PLD2: variants seen among roughly 807,000 people sequenced by gnomAD.
PLD2 encodes choline phosphatase 2.
A neutral mutation model predicts 119.8 loss-of-function variants in PLD2; 101 were observed. The observed-to-expected ratio is 0.84, with a 90% confidence interval of 0.72 to 0.99. The LOEUF (loss-of-function observed/expected upper bound fraction) is 0.99, where lower values mean the gene tolerates loss of function less well. PLD2 is among the 50% of genes least tolerant of loss of function. PLD2 has a pLI of 0.00. For missense variants in PLD2, 1,164 were observed against 1,226.8 expected, an observed-to-expected ratio of 0.95 and a Z score of 0.76; for synonymous variants, 494 against 482.8, an observed-to-expected ratio of 1.02 and a Z score of -0.30.
rs1906041495 is a variant in PLD2, at chr17:4,807,962, C to T, written c.110-22C>T. 8 of 1,606,116 alleles carry T rather than the reference C, an allele frequency of 5.0e-6. No individual in the cohort carries two copies. Among genetic ancestry groups the T allele is most frequent in the Non-Finnish European group, 6.8e-6 (8 of 1,173,808 alleles). ...GCTGGGGCCTGTTGTGGTCTACACTCCTCGACTTTCTTTCCTCCCAGCCGA... is the reference window on the plus strand; with the variant it reads ...GCTGGGGCCTGTTGTGGTCTACACTTCTCGACTTTCTTTCCTCCCAGCCGA... On this transcript the variant is annotated intron_variant, in intron 2 of 24. Coordinates refer to ENST00000263088, the MANE Select transcript of PLD2 (RefSeq NM_002663.5). The surrounding 1 kb of genome is among the most constrained non-coding windows in gnomAD (Gnocchi z 5.4).
At chr17:4,809,467 C>T in intron 6 of PLD2, 26 bp from the exon 7 acceptor site, 1 of 1,608,622 alleles carries the variant, frequency 6.2e-7, no homozygotes, top group Non-Finnish European at 8.5e-7. Context: ...CAGGTGTCTC[C>T]TCCGGGCTTT....
At chr17:4,811,176 T>C (rs72835003) in intron 10 of PLD2, among the ~76,000 whole-genome samples, 3,160 of 152,238 alleles carry the variant, frequency 0.021, 49 homozygotes, top group Non-Finnish European at 0.029. Context: ...CTTCTGACCC[T>C]TGACCTCTCT....
Position 4,818,402 on chromosome 17 carries a change from G to A in PLD2, c.2009+17G>A. On this transcript the variant is annotated intron_variant, in intron 19 of 24. Coordinates refer to ENST00000263088, the MANE Select transcript of PLD2 (RefSeq NM_002663.5). The stretch of plus-strand genomic sequence containing the variant: ...GGCCCACAAGTAAGGTGGACTGTCA[G>A]GAAGGTGGGGACTGTGGGTGTGGTT... 6.2e-7 allele frequency: 1 copy of A among 1,613,218 alleles called. No homozygotes were observed. The highest frequency in any genetic ancestry group is 8.5e-7 in the Non-Finnish European group (1 of 1,179,176).
chr17:4,821,699 T>G (rs1316304103), intron 23 of PLD2, 94 bp from the exon 24 acceptor site: 1 of 880,988 alleles, frequency 1.1e-6, no homozygotes, highest in East Asian at 2.5e-5. Flanking sequence ...CCAGCCAATT[T>G]TGAATTACCT....
At position 4,819,197 on chromosome 17, in the gene PLD2, G is replaced by A; in HGVS notation, c.2287G>A (p.Asp763Asn). 1.2e-6 allele frequency: 2 copies of A among 1,614,166 alleles called. No individual in the cohort carries two copies. ...CATCCACAGCAAGGTGCTCATCGCA[G>A]ATGACCGGACAGTCATCATTGGTCA... ...IYIHSKVLIA[D>N]DRTVIIGSAN... The change falls in exon 22 of 25, where the codon GAT (aspartate) becomes AAT (asparagine). Residue 763 changes from aspartate (D) to asparagine (N), a missense_variant. Asp to Asn is a conservative substitution (Grantham distance 23). Transcript: ENST00000263088. The surrounding 1 kb of genome is among the most constrained non-coding windows in gnomAD (Gnocchi z 4.2).
rs779820667 is a variant in PLD2, at chr17:4,814,413, C to A, written c.1011-5C>A. The A allele has an allele frequency of 1.9e-6, 3 of 1,608,328 alleles. No individual in the cohort carries two copies. In the East Asian group the frequency reaches 6.7e-5, roughly 36 times the overall value. On this transcript the variant is annotated splice_polypyrimidine_tract_variant and splice_region_variant and intron_variant, in intron 10 of 24. Transcript: ENST00000263088. ...CCTGACCTCCTTGGCTTGGCCTCCCCCCAGGTTTGTGAATGGGGCAGGTTA... is the reference window on the plus strand; with the variant it reads ...CCTGACCTCCTTGGCTTGGCCTCCCACCAGGTTTGTGAATGGGGCAGGTTA...
Position 4,818,331 on chromosome 17 carries a change from C to A in PLD2, c.1955C>A (p.Thr652Lys). Residue 652 changes from threonine (T) to lysine (K), a missense_variant, in exon 19 of 25, where the codon ACG becomes AAG. By Grantham distance (78) the Thr-to-Lys change is moderately conservative (BLOSUM62 -1). Coordinates refer to ENST00000263088, the MANE Select transcript of PLD2 (RefSeq NM_002663.5). ...TTCATTAGCTGCTCAGATGGGCGGACGGTTCTGAACAAGGTGGGCGATGAG... is the reference window on the plus strand; with the variant it reads ...TTCATTAGCTGCTCAGATGGGCGGAAGGTTCTGAACAAGGTGGGCGATGAG... ...QFFISCSDGRTVLNKVGDEIV... is the reference protein window; with the variant it reads ...QFFISCSDGRKVLNKVGDEIV... The A allele has an allele frequency of 6.2e-7, 1 of 1,614,056 alleles. No homozygotes were observed. Among genetic ancestry groups the A allele is most frequent in the African/African-American group, 1.3e-5 (1 of 75,034 alleles).
Position 4,818,108 on chromosome 17 carries a change from TCTGA to T in PLD2, c.1920+6_1920+9del. 6.2e-7 allele frequency: 1 copy of T among 1,605,376 alleles called. No homozygotes were observed. Among genetic ancestry groups the T allele is most frequent in the Non-Finnish European group, 8.5e-7 (1 of 1,172,056 alleles). ...AGCCAGCACTTCCTCTACATTGAGG[TCTGA>T]CTGGGAGGAGGTGGGGGAGAGCATG... On this transcript the variant is annotated splice_donor_5th_base_variant and intron_variant, in intron 18 of 24. Transcript: ENST00000263088.
chr17:4,817,937 A>G lies in PLD2; in HGVS notation c.1816-65A>G, dbSNP rs556428418. The G allele has an allele frequency of 8.0e-5, 92 of 1,151,090 alleles. No individual in the cohort carries two copies. The Middle Eastern group carries it at 3.1e-3, about 39-fold the overall frequency. 71.3% of individuals were successfully genotyped at this position (1,151,090 alleles called of 1,614,324 possible). Reference sequence around the variant, plus strand: ...CATGCCACTGCACTCCAGCCTAGGCAACAGAGCGAGACTCTGTCTTAAAAA... The same window carrying G: ...CATGCCACTGCACTCCAGCCTAGGCGACAGAGCGAGACTCTGTCTTAAAAA... On this transcript the variant is annotated intron_variant, in intron 17 of 24. Transcript: ENST00000263088.
chr17:4,809,496 G>C lies in PLD2; in HGVS notation c.559G>C (p.Glu187Gln). The C allele has an allele frequency of 1.2e-6, 2 of 1,607,700 alleles. No homozygotes were observed. Among genetic ancestry groups the C allele is most frequent in the Non-Finnish European group, 1.7e-6 (2 of 1,176,460 alleles). Residue 187 changes from glutamate to glutamine, a missense_variant, in exon 7 of 25, where the codon GAG becomes CAG. Transcript: ENST00000263088. The stretch of plus-strand genomic sequence containing the variant: ...GGGCTTTTGTTTTCCTCTGCAGACA[G>C]AGTTCCTGGAAGTCAGTCAGCTGTC... Reference protein sequence around the residue: ...SFYRNYHAMTEFLEVSQLSFI... With the variant: ...SFYRNYHAMTQFLEVSQLSFI...
Position 4,821,862 on chromosome 17 carries a change from G to C in PLD2, c.2532G>C (p.Gln844His). ...LRDPICDDFF[Q>H]LWQDMAESNA... The stretch of plus-strand genomic sequence containing the variant: ...ACCCCATCTGTGATGACTTCTTCCA[G>C]TTGTGGCAAGACATGGCTGAGAGCA... The change falls in exon 24 of 25, where the codon CAG (glutamine) becomes CAC (histidine). Residue 844 changes from glutamine (Q) to histidine (H), a missense_variant. Transcript: ENST00000263088. 1 of 1,614,052 alleles carries C rather than the reference G, an allele frequency of 6.2e-7. No homozygotes were observed. Among genetic ancestry groups the C allele is most frequent in the Non-Finnish European group, 8.5e-7 (1 of 1,179,968 alleles).
In PLD2 at chr17:4,809,780, A is replaced by G; in HGVS notation, c.704A>G (p.Lys235Arg). The G allele has an allele frequency of 7.4e-6, 12 of 1,614,150 alleles. No homozygotes were observed. Among genetic ancestry groups the G allele is most frequent in the Non-Finnish European group, 1.0e-5 (12 of 1,180,010 alleles). ...GRDQVCYRWS[K>R]RWLVVKDSFL... ...GACCAAGTTTGTTATCGCTGGTCCAAGAGGTACGGGCTATGGCCAAGCAGC... is the reference window on the plus strand; with the variant it reads ...GACCAAGTTTGTTATCGCTGGTCCAGGAGGTACGGGCTATGGCCAAGCAGC... The change falls in exon 8 of 25, where the codon AAG becomes AGG. Residue 235 changes from lysine (K) to arginine (R), a missense_variant. Coordinates refer to ENST00000263088, the MANE Select transcript of PLD2 (RefSeq NM_002663.5).
In PLD2 at chr17:4,815,737, C is replaced by T. The variant is rs768148911; in HGVS notation, c.1285-27C>T. 5.0e-6 allele frequency: 8 copies of T among 1,612,086 alleles called. No homozygotes were observed. The East Asian group carries it at 1.1e-4, about 22-fold the overall frequency. On this transcript the variant is annotated intron_variant, in intron 13 of 24. Transcript: ENST00000263088. ...CTGTTTTCCTTCACCTAAACCCACC[C>T]TCATGAACCCTCCATGCCTGCTCCA...
intron 9 of PLD2, 117 bp downstream of exon 9, chr17:4,810,146 C>A: frequency 1.9e-6 from 2 of 1,054,904 alleles, no homozygotes; most frequent in Admixed American, 2.2e-5. Flanking sequence ...CTCCCTGGAT[C>A]GGGACATAGT....
chr17:4,815,493 G>A lies in PLD2; in HGVS notation c.1191G>A (p.Val397=). ...ACCACCAGGAGGAGGGTGTCCGTGT[G>A]TCTATTCTGCTGTTTAAAGAAGTGG... ...LKRKAEEGVR[V]SILLFKEVEL... The change falls in exon 13 of 25, where the codon GTG becomes GTA. Residue 397 remains valine, a synonymous_variant. Coordinates refer to ENST00000263088, the MANE Select transcript of PLD2 (RefSeq NM_002663.5). The A allele has an allele frequency of 6.2e-7, 1 of 1,611,258 alleles. No homozygotes were observed. The highest frequency in any genetic ancestry group is 8.5e-7 in the Non-Finnish European group (1 of 1,177,484).
At chr17:4,814,224 T>C in intron 10 of PLD2, 194 bp from the exon 11 acceptor site, 1 of 726,254 alleles carries the variant, frequency 1.4e-6, no homozygotes, top group Non-Finnish European at 2.1e-6. Context: ...TTGTGTCTTT[T>C]TGTAATTTTT....
chr17:4,815,347 G>C, intron 12 of PLD2, 129 bp from the exon 13 acceptor site: 1 of 702,274 alleles, frequency 1.4e-6, no homozygotes, highest in Non-Finnish European at 2.6e-6. Flanking sequence ...CAGCAAAGCA[G>C]GGCATATGTG....
At chr17:4,817,747 C>G (rs1907162871) in intron 17 of PLD2, among the ~76,000 whole-genome samples, 3 of 151,134 alleles carry the variant, frequency 2.0e-5, no homozygotes, top group Non-Finnish European at 2.9e-5. Flanking sequence ...TCACGAGGTC[C>G]GGAGAGCAAG....
At position 4,808,452 on chromosome 17, in the gene PLD2, G is replaced by A; in HGVS notation, c.383+36G>A. The stretch of plus-strand genomic sequence containing the variant: ...CCGGACTGCTTCCTGTAGAGGGCAG[G>A]TGCTCCCCACCCTCCTTTCTGTCTG... On this transcript the variant is annotated intron_variant, in intron 4 of 24. Transcript: ENST00000263088. The surrounding 1 kb of genome is among the most constrained non-coding windows in gnomAD (Gnocchi z 4.1). 1.9e-6 allele frequency: 3 copies of A among 1,600,736 alleles called. No individual in the cohort carries two copies. The highest frequency in any genetic ancestry group is 2.2e-5 in the East Asian group (1 of 44,766).
Sources: gnomAD v4.1 joint callset for allele counts (sites outside exome capture counted in the v4.1 genomes callset) on GRCh38, gnomAD v4.1.1 for gene constraint, Gnocchi (gnomAD v3.1) non-coding constraint, MANE v1.5 for transcripts, NCBI Gene and HGNC (gene_info 2026-07-23, HGNC 2026-07-21) for gene names.